The following PTPRN2 variants were observed in gnomAD, a reference collection of about 807,000 sequenced individuals.
PTPRN2 encodes receptor-type tyrosine-protein phosphatase N2.
In PTPRN2, 74 loss-of-function variants were observed where a neutral mutation model predicts 118.8. The observed-to-expected ratio is 0.62, with a 90% CI of 0.52 to 0.76. The LOEUF is 0.76. Among genes scored for constraint, PTPRN2 ranks in the 30% least tolerant of loss-of-function variants. The probability of loss-of-function intolerance (pLI) is 0.00; values close to 1 mark genes in which losing one functional copy is unlikely to be tolerated. For synonymous variants in PTPRN2, 641 were observed against 608.0 expected, an observed-to-expected ratio of 1.05 and a Z score of -0.80; for missense variants, 1,481 against 1,394.4, an observed-to-expected ratio of 1.06 and a Z score of -0.99.
intron 12 of PTPRN2, chr7:157,740,479 C>T (rs1014414281): frequency 6.6e-6 from 1 of 152,248 alleles, no homozygotes; most frequent in Admixed American, 6.5e-5. Flanking sequence ...CTCCCTCCGT[C>T]CACGGCAACG....
chr7:158,391,853 T>C (rs1173434113), intron 2 of PTPRN2, among the ~76,000 whole-genome samples: 3 of 152,184 alleles, frequency 2.0e-5, no homozygotes, highest in African/African-American at 7.2e-5. Context: ...GGCACAACAG[T>C]GAGCAGCACT....
intron 5 of PTPRN2, among the ~76,000 whole-genome samples, chr7:158,188,565 GTATGGGGAAGGCCGCCACGCTCGCCC>G: frequency 1.0e-5 from 1 of 100,002 alleles, no homozygotes; most frequent in African/African-American, 4.5e-5. Flanking sequence ...CTCGCCCCCT[GTATGGGGAAGGCCGCCACGCTCGCCC>G]CCTGATGGGG....
intron 3 of PTPRN2, among the ~76,000 whole-genome samples, chr7:158,233,325 C>T (rs1225726572): frequency 2.0e-5 from 3 of 152,038 alleles, no homozygotes; most frequent in African/African-American, 7.2e-5. Context: ...AATAGCTAAA[C>T]ATAATATAAG....
At chr7:157,725,338 ACTGGATATCTACACACAGAGGAGTGTGG>A in intron 12 of PTPRN2, among the ~76,000 whole-genome samples, 1 of 79,558 alleles carries the variant, frequency 1.3e-5, no homozygotes, top group South Asian at 4.9e-4. Context: ...TCCCAGGAGA[ACTGGATATCTACACACAGAGGAGTGTGG>A]CCAGACCCTC....
intron 12 of PTPRN2, among the ~76,000 whole-genome samples, chr7:157,769,856 C>A (rs1026329302): frequency 3.9e-5 from 6 of 152,242 alleles, no homozygotes; most frequent in Non-Finnish European, 5.9e-5. Context: ...CCATGGGCCC[C>A]TCCCTGCCAC....
chr7:158,013,435 T>G lies in PTPRN2; in HGVS notation c.1723+67863A>C, dbSNP rs149834740. ...CTCCATCCATCCCTCCAGCCTGCCT[T>G]CCTTCCTTCCTTCCATCCACCCATC... On this transcript the variant is annotated intron_variant, in intron 11 of 22. Transcript: ENST00000389418. 3.9e-3 allele frequency among the ~76,000 whole-genome samples: 590 copies of G among 150,694 alleles called. 6 individuals carry two copies. Among genetic ancestry groups the G allele is most frequent in the African/African-American group, 0.014 (569 of 40,560 alleles).
intron 11 of PTPRN2, among the ~76,000 whole-genome samples, chr7:157,912,624 A>G (rs983140359): frequency 1.3e-5 from 2 of 152,134 alleles, no homozygotes; most frequent in Non-Finnish European, 2.9e-5. Flanking sequence ...TTTTTTTCCT[A>G]AAAGATTTTT....
intron 12 of PTPRN2, among the ~76,000 whole-genome samples, chr7:157,844,611 A>C (rs559515585): frequency 6.6e-6 from 1 of 152,326 alleles, no homozygotes; most frequent in East Asian, 1.9e-4. Flanking sequence ...GGCCTTCCAC[A>C]GCACGACCCC....
At chr7:157,737,182 G>A (rs1249851862) in intron 12 of PTPRN2, among the ~76,000 whole-genome samples, 3 of 152,232 alleles carry the variant, frequency 2.0e-5, no homozygotes, top group South Asian at 2.1e-4. Context: ...CACACGCCAC[G>A]TTGCTCCCCG....
intron 3 of PTPRN2, among the ~76,000 whole-genome samples, chr7:158,280,667 C>A (rs1348869278): frequency 6.6e-6 from 1 of 152,286 alleles, no homozygotes; most frequent in South Asian, 2.1e-4. Context: ...TGCGTAGAGA[C>A]GCGGCCGTGG....
chr7:158,487,249 CTCT>C lies in PTPRN2; in HGVS notation c.163+2483_163+2485del, dbSNP rs1376877163. 7.2e-5 allele frequency among the ~76,000 whole-genome samples: 11 copies of C among 152,344 alleles called. No individual in the cohort carries two copies. The East Asian group carries it at 7.7e-4, about 11-fold the overall frequency. On this transcript the variant is annotated intron_variant, in intron 2 of 22. Transcript: ENST00000389418. ...GCTATGAATATGGGTGTGCAAACAG[CTCT>C]TCAAGTCTCTGCTTCCTGTGTTATG...
chr7:157,997,233 T>C lies in PTPRN2; in HGVS notation c.1723+84065A>G, dbSNP rs185545223. Among the ~76,000 whole-genome samples, 499 of 152,282 alleles carry C rather than the reference T, an allele frequency of 3.3e-3. 5 individuals are homozygous for C. Among genetic ancestry groups the C allele is most frequent in the Middle Eastern group, 0.01 (3 of 294 alleles). ...CTGCCTGGCGGCTCCATTTGCTCTG[T>C]GTCTGTGGAGCAACTGCGCCCCTGG... is the stretch of plus-strand genomic sequence containing the variant. On this transcript the variant is annotated intron_variant, in intron 11 of 22. Transcript: ENST00000389418.
At position 157,843,759 on chromosome 7, in the gene PTPRN2, G is replaced by T. The variant is rs114132684; in HGVS notation, c.1788+54914C>A. ...ACTTACGGTTCTATGATTCACACTC[G>T]CAGTTTCGAAGGAAACCTCTGCTCT... On this transcript the variant is annotated intron_variant, in intron 12 of 22. Transcript: ENST00000389418. 3.2e-3 allele frequency among the ~76,000 whole-genome samples: 487 copies of T among 152,298 alleles called. 3 individuals carry two copies. The highest frequency in any genetic ancestry group is 0.012 in the African/African-American group (481 of 41,562).
chr7:158,391,130 G>A (rs970636047), intron 2 of PTPRN2, among the ~76,000 whole-genome samples: 1 of 152,212 alleles, frequency 6.6e-6, no homozygotes, highest in African/African-American at 2.4e-5. Flanking sequence ...TACAGCTGCA[G>A]GAACAAATAC....
chr7:158,263,331 A>G (rs957435469), intron 3 of PTPRN2, among the ~76,000 whole-genome samples: 3 of 152,092 alleles, frequency 2.0e-5, no homozygotes, highest in Non-Finnish European at 2.9e-5. Flanking sequence ...AGCTGTACCT[A>G]CTGCACATGT....
rs140257620 is a variant in PTPRN2, at chr7:158,110,915, G to T, written c.1557C>A (p.Asp519Glu). 3 of 1,557,682 alleles carry T rather than the reference G, an allele frequency of 1.9e-6. No homozygotes were observed. The highest frequency in any genetic ancestry group is 1.9e-5 in the Admixed American group (1 of 53,244). The stretch of plus-strand genomic sequence containing the variant: ...GCCTTCCTTCCTCGGGGCGCAGGGG[G>T]CTGCGGATGACAGCAGGGATGGGGA... ...EARGYIVTDRDPLRPEEGRRL... is the reference protein window; with the variant it reads ...EARGYIVTDREPLRPEEGRRL... The change falls in exon 10 of 23, where the codon GAC (aspartate) becomes GAA (glutamate). Residue 519 changes from aspartate (D) to glutamate (E), a missense_variant and splice_region_variant. This residue lies in a region of PTPRN2 where 1,115 missense variants were observed against 994.2 expected (regional missense o/e 1.12). Transcript: ENST00000389418.
chr7:158,051,093 C>T (rs564815146), intron 11 of PTPRN2, among the ~76,000 whole-genome samples: 29 of 152,346 alleles, frequency 1.9e-4, no homozygotes, highest in Non-Finnish European at 4.0e-4. Flanking sequence ...GCCACAGATG[C>T]TAGCAGTGCC....
intron 12 of PTPRN2, among the ~76,000 whole-genome samples, chr7:157,753,838 C>T (rs370790015): frequency 8.5e-5 from 13 of 152,336 alleles, no homozygotes; most frequent in Non-Finnish European, 1.0e-4. Context: ...CATCCCCCAC[C>T]GGTTCCTTGC....
chr7:157,592,881 C>T (rs1372536150), intron 17 of PTPRN2, among the ~76,000 whole-genome samples: 2 of 138,396 alleles, frequency 1.4e-5, no homozygotes, highest in African/African-American at 2.8e-5. Context: ...TGGGCATCAT[C>T]GTGGTCGTTG....
Sources: gnomAD v4.1 joint callset for allele counts (sites outside exome capture counted in the v4.1 genomes callset) on GRCh38, gnomAD v4.1.1 for gene constraint, gnomAD v4.1.1 regional missense constraint, MANE v1.5 for transcripts, NCBI Gene and HGNC (gene_info 2026-07-23, HGNC 2026-07-21) for gene names.